UTRN: variants seen among roughly 807,000 people sequenced by gnomAD.
The protein encoded by UTRN is utrophin, also known as dystrophin-related protein 1.
UTRN carries 283 observed loss-of-function variants against 463.9 expected under a neutral mutation model. That is an observed-to-expected ratio of 0.61 (90% CI 0.55 to 0.67). The LOEUF (loss-of-function observed/expected upper bound fraction) is 0.67. UTRN is among the 30% of genes least tolerant of loss of function. UTRN has a pLI of 0.00. For synonymous variants in UTRN, 1,442 were observed against 1,431.5 expected, an observed-to-expected ratio of 1.01 and a Z score of -0.17; for missense variants, 3,922 against 4,084.3, an observed-to-expected ratio of 0.96 and a Z score of 1.08.
chr6:144,327,804 C>T (rs1230721359), intron 2 of UTRN, among the ~76,000 whole-genome samples: 1 of 151,910 alleles, frequency 6.6e-6, no homozygotes, highest in Non-Finnish European at 1.5e-5. Context: ...ATTAGCTGGG[C>T]ATGGTGGCGG....
rs75214753 is a variant in UTRN at position 144,646,913 on chromosome 6, A to G, written c.7480-31493A>G. On this transcript the variant is annotated intron_variant, in intron 51 of 74. Transcript: ENST00000367545. Reference sequence around the variant, plus strand: ...TGAGACCCAATGTGGTGGGTAAATGAAAACCAGTGTGTGAGTTACTCAAGT... The same window carrying G: ...TGAGACCCAATGTGGTGGGTAAATGGAAACCAGTGTGTGAGTTACTCAAGT... Among the ~76,000 whole-genome samples the G allele has an allele frequency of 2.1e-3, 314 of 152,316 alleles. 1 individual carries two copies. In the East Asian group the frequency reaches 0.028, roughly 14 times the overall value.
At chr6:144,789,349 C>T in intron 62 of UTRN, 70 bp downstream of exon 62, 1 of 1,289,604 alleles carries the variant, frequency 7.8e-7, no homozygotes. Flanking sequence ...TTATTGGAAA[C>T]TTAAATTATA....
At position 144,301,536 on chromosome 6, in the gene UTRN, CTT is replaced by C. The variant is rs200484231; in HGVS notation, c.79+9653_79+9654del. On this transcript the variant is annotated intron_variant, in intron 2 of 74. Coordinates refer to ENST00000367545, the MANE Select transcript of UTRN (RefSeq NM_007124.3). Reference sequence around the variant, plus strand: ...CATGCCATCCTATCTTTCTTTCTTTCTTTTTTTTTTTTTTTTTTTTTTTTTGA... The same window carrying C: ...CATGCCATCCTATCTTTCTTTCTTTCTTTTTTTTTTTTTTTTTTTTTTTGA... Among the ~76,000 whole-genome samples the C allele has an allele frequency of 7.0e-3, 652 of 92,776 alleles. 6 individuals are homozygous for C. The highest frequency in any genetic ancestry group is 0.025 in the African/African-American group (607 of 24,740). The allele number at this position is 92,776 out of a possible 152,430, so 60.9% of individuals were successfully genotyped here.
intron 53 of UTRN, among the ~76,000 whole-genome samples, chr6:144,710,628 A>G (rs1255147086): frequency 6.6e-6 from 1 of 152,230 alleles, no homozygotes; most frequent in Non-Finnish European, 1.5e-5. Context: ...TGCTTCAACA[A>G]TACATAAACA....
chr6:144,522,416 T>G (rs936666625), intron 40 of UTRN, among the ~76,000 whole-genome samples: 1 of 152,236 alleles, frequency 6.6e-6, no homozygotes. Flanking sequence ...ATCAGAGCCT[T>G]GTTTAAAATT....
At chr6:144,630,387 T>C (rs537588234) in intron 51 of UTRN, among the ~76,000 whole-genome samples, 1 of 152,324 alleles carries the variant, frequency 6.6e-6, no homozygotes, top group Admixed American at 6.5e-5. Context: ...AGAGGTTTAA[T>C]TAACTCACAG....
At chr6:144,734,476 T>C (rs1379478034) in intron 54 of UTRN, among the ~76,000 whole-genome samples, 1 of 152,106 alleles carries the variant, frequency 6.6e-6, no homozygotes, top group Non-Finnish European at 1.5e-5. Flanking sequence ...CCCTGCCCCC[T>C]CCCGTCACCC....
intron 37 of UTRN, among the ~76,000 whole-genome samples, chr6:144,515,495 A>G (rs1033524826): frequency 6.7e-6 from 1 of 149,664 alleles, no homozygotes; most frequent in African/African-American, 2.5e-5. Flanking sequence ...TTTTTGTTTT[A>G]TATGACGACA....
chr6:144,651,428 TC>T (rs1778807860), intron 51 of UTRN, among the ~76,000 whole-genome samples: 1 of 152,116 alleles, frequency 6.6e-6, no homozygotes, highest in Admixed American at 6.5e-5. Context: ...AGACAAGAGT[TC>T]CAGGGTCAAG....
rs150889560 is a variant in UTRN, at chr6:144,423,161, A to T, written c.235-388A>T. ...AATTAAGAGAAAGGAAGCTTTGTTC[A>T]TAGAGCACTGGTTTCCAAACTTGTC... is the stretch of plus-strand genomic sequence containing the variant. On this transcript the variant is annotated intron_variant, in intron 4 of 74. Transcript: ENST00000367545. Among the ~76,000 whole-genome samples the T allele has an allele frequency of 4.7e-3, 709 of 152,352 alleles. 8 individuals are homozygous for T. Among genetic ancestry groups the T allele is most frequent in the African/African-American group, 0.016 (676 of 41,584 alleles).
intron 11 of UTRN, among the ~76,000 whole-genome samples, chr6:144,438,406 A>G (rs905209773): frequency 1.6e-4 from 25 of 152,278 alleles, no homozygotes; most frequent in Non-Finnish European, 3.4e-4. Flanking sequence ...AAGCTTTCTC[A>G]TGGTTTATTT....
At chr6:144,518,265 C>T (rs1287492198) in intron 39 of UTRN, among the ~76,000 whole-genome samples, 1 of 152,210 alleles carries the variant, frequency 6.6e-6, no homozygotes, top group African/African-American at 2.4e-5. Context: ...CATGGCTGAT[C>T]ATGTCATTCC....
At chr6:144,604,818 G>A (rs1249051041) in intron 51 of UTRN, among the ~76,000 whole-genome samples, 1 of 152,096 alleles carries the variant, frequency 6.6e-6, no homozygotes, top group Non-Finnish European at 1.5e-5. Flanking sequence ...GGGAGGCTGA[G>A]GCAGGAGAAT....
At chr6:144,507,259 A>G (rs551102478) in intron 34 of UTRN, among the ~76,000 whole-genome samples, 9 of 151,928 alleles carry the variant, frequency 5.9e-5, no homozygotes, top group Admixed American at 4.6e-4. Context: ...TCTGAAGCCT[A>G]CTTCTGTCAA....
chr6:144,568,668 A>G (rs1800654680), intron 50 of UTRN, among the ~76,000 whole-genome samples: 1 of 152,160 alleles, frequency 6.6e-6, no homozygotes, highest in South Asian at 2.1e-4. Context: ...ACATGCAGCA[A>G]TTCTTAATGA....
intron 34 of UTRN, among the ~76,000 whole-genome samples, chr6:144,500,782 G>C (rs1794101881): frequency 6.6e-6 from 1 of 152,226 alleles, no homozygotes; most frequent in Non-Finnish European, 1.5e-5. Flanking sequence ...AGATTAGAAA[G>C]TTGATTTGCT....
chr6:144,398,881 ATTTAGCTTTTTACAGAGTG>A (rs1468403844), intron 2 of UTRN: 2 of 152,164 alleles, frequency 1.3e-5, no homozygotes, highest in South Asian at 4.1e-4. Context: ...ATCAACTTGT[ATTTAGCTTTTTACAGAGTG>A]AAGTGAAACT....
intron 18 of UTRN, among the ~76,000 whole-genome samples, chr6:144,451,723 T>C (rs1262522725): frequency 2.6e-5 from 4 of 152,032 alleles, no homozygotes; most frequent in East Asian, 1.9e-4. Flanking sequence ...CACTGAGATG[T>C]ACAGTGAGGA....
At chr6:144,402,093 G>T (rs762929108) in intron 2 of UTRN, among the ~76,000 whole-genome samples, 1 of 152,194 alleles carries the variant, frequency 6.6e-6, no homozygotes, top group African/African-American at 2.4e-5. Context: ...ATAGAAAATC[G>T]TGGAGTGATG....
Sources: gnomAD v4.1 joint callset for allele counts (sites outside exome capture counted in the v4.1 genomes callset) on GRCh38, gnomAD v4.1.1 for gene constraint, MANE v1.5 for transcripts, NCBI Gene and HGNC (gene_info 2026-07-23, HGNC 2026-07-21) for gene names.